The following AP4S1 variants were observed in gnomAD, a reference collection of about 807,000 sequenced individuals.
AP4S1 encodes adaptor related protein complex 4 subunit sigma 1.
A neutral mutation model predicts 19.8 loss-of-function variants in AP4S1; 23 were observed. The observed-to-expected ratio is 1.16, with a 90% CI of 0.84 to 1.65. The LOEUF (loss-of-function observed/expected upper bound fraction) is 1.65. Ranked by LOEUF, AP4S1 falls within the 40% of genes most tolerant of loss-of-function variation. The pLI is 0.00. For missense variants in AP4S1, 166 were observed against 172.8 expected (o/e 0.96, Z 0.22); for synonymous variants, 46 against 54.1 (o/e 0.85, Z 0.66).
At chr14:31,080,171 C>G (rs1455105663) in intron 4 of AP4S1, among the ~76,000 whole-genome samples, 1 of 152,114 alleles carries the variant, frequency 6.6e-6, no homozygotes, top group African/African-American at 2.4e-5. Flanking sequence ...CCCTGAATAT[C>G]CTGTCATATA....
At chr14:31,090,879 T>C (rs1888059476) in intron 5 of AP4S1, among the ~76,000 whole-genome samples, 1 of 152,234 alleles carries the variant, frequency 6.6e-6, no homozygotes, top group African/African-American at 2.4e-5. Context: ...TTTCCCCATA[T>C]AGTGCCAGAA....
intron 3 of AP4S1, among the ~76,000 whole-genome samples, chr14:31,070,742 G>A (rs182016296): frequency 6.6e-6 from 1 of 152,280 alleles, no homozygotes; most frequent in African/African-American, 2.4e-5. Flanking sequence ...TATAGAGGCC[G>A]ACTGATTTTG....
In AP4S1 at chr14:31,093,132, A is replaced by T; in HGVS notation, c.*97A>T. 1 of 1,265,820 alleles carries T rather than the reference A, an allele frequency of 7.9e-7. No homozygotes were observed. Among genetic ancestry groups the T allele is most frequent in the South Asian group, 1.6e-5 (1 of 63,208 alleles). The allele number at this position is 1,265,820 out of a possible 1,614,324, so 78.4% of individuals were successfully genotyped here. A position where few individuals can be genotyped will look rare whatever the true frequency, so the allele number is the denominator to read the frequency against. On this transcript the variant is annotated 3_prime_UTR_variant, in exon 6 of 6. Transcript: ENST00000542754. ...ACCCAGAAGAATCTGGAAGACCACA[A>T]TTACAAAATGGGGTATCCTTCCAAA...
At position 31,095,066 on chromosome 14, in the gene AP4S1, C is replaced by T. The variant is rs1888167072; in HGVS notation, c.*2031C>T. 6.6e-6 allele frequency: 1 copy of T among 152,162 alleles called. No homozygotes were observed. Among genetic ancestry groups the T allele is most frequent in the Non-Finnish European group, 1.5e-5 (1 of 68,060 alleles). 9.4% of individuals were successfully genotyped at this position (152,162 alleles called of 1,614,324 possible). On this transcript the variant is annotated 3_prime_UTR_variant, in exon 6 of 6. Coordinates refer to ENST00000542754, the MANE Select transcript of AP4S1 (RefSeq NM_001128126.3). ...AAAGTTAGCCAGCTGTGGTGGTGAG[C>T]ACCTGTACTCCTAACTACTCAAGAG...
At chr14:31,052,898 C>A (rs917671379) in intron 1 of AP4S1, among the ~76,000 whole-genome samples, 1 of 148,316 alleles carries the variant, frequency 6.7e-6, no homozygotes, top group African/African-American at 2.5e-5. Context: ...TAATTTAATA[C>A]AAGAAAGGAG....
intron 1 of AP4S1, among the ~76,000 whole-genome samples, chr14:31,052,125 G>A (rs1035196134): frequency 5.3e-5 from 8 of 151,952 alleles, no homozygotes; most frequent in African/African-American, 1.7e-4. Flanking sequence ...ACAAAAATTA[G>A]TTAGGTGTGA....
Position 31,066,148 on chromosome 14 carries a change from G to C in AP4S1, c.-49G>C, listed in dbSNP as rs769989667. On this transcript the variant is annotated 5_prime_UTR_variant, in exon 2 of 6. Transcript: ENST00000542754. ...AAGGTTCCAGTTACAGCCATCCCTT[G>C]TCATAACTTTTGAACTGTATTTGGA... is the stretch of plus-strand genomic sequence containing the variant. The C allele has an allele frequency of 6.3e-7, 1 of 1,598,484 alleles. No individual in the cohort carries two copies. The highest frequency in any genetic ancestry group is 8.6e-7 in the Non-Finnish European group (1 of 1,167,664).
At chr14:31,073,415 G>A (rs1475638040) in intron 4 of AP4S1, among the ~76,000 whole-genome samples, 31 of 137,104 alleles carry the variant, frequency 2.3e-4, no homozygotes, top group South Asian at 1.9e-3. Context: ...GCGTGAACCC[G>A]GGAGGCGGAG....
rs1234712369 is a variant in AP4S1, at chr14:31,095,192, TCAAAAACA to T, written c.*2166_*2173del. 3 of 152,180 alleles carry T rather than the reference TCAAAAACA, an allele frequency of 2.0e-5. No homozygotes were observed. The East Asian group carries it at 5.8e-4, about 29-fold the overall frequency. 9.4% of individuals were successfully genotyped at this position (152,180 alleles called of 1,614,324 possible). A position where few individuals can be genotyped will look rare whatever the true frequency, so the allele number is the denominator to read the frequency against. On this transcript the variant is annotated 3_prime_UTR_variant, in exon 6 of 6. Transcript: ENST00000542754. ...CTGGGTAATGGAGTGAGGCCCTGCC[TCAAAAACA>T]CAAAAACAAAACAAAAAAACTTTTA...
chr14:31,073,269 T>C (rs190841134), intron 4 of AP4S1: 1 of 341,290 alleles, frequency 2.9e-6, no homozygotes. Context: ...GGTGGGCAGA[T>C]CACAAGGTCA....
chr14:31,039,571 TG>T (rs1420606041), intron 1 of AP4S1, among the ~76,000 whole-genome samples: 4 of 106,116 alleles, frequency 3.8e-5, no homozygotes, highest in African/African-American at 1.2e-4. Context: ...GGTGTAGTTT[TG>T]TTTTTTTTTT....
At chr14:31,034,896 G>A (rs1346516310) in intron 1 of AP4S1, among the ~76,000 whole-genome samples, 1 of 151,854 alleles carries the variant, frequency 6.6e-6, no homozygotes, top group Non-Finnish European at 1.5e-5. Flanking sequence ...CAAAGTGCTG[G>A]GATTACAGGC....
At chr14:31,060,663 C>T (rs1398133305) in intron 1 of AP4S1, among the ~76,000 whole-genome samples, 2 of 152,216 alleles carry the variant, frequency 1.3e-5, no homozygotes, top group East Asian at 1.9e-4. Context: ...TTCAGCTTGA[C>T]TTAGCTGCTT....
rs551633561 is a variant in AP4S1 at position 31,093,337 on chromosome 14, T to G, written c.*302T>G. 23 of 183,732 alleles carry G rather than the reference T, an allele frequency of 1.3e-4. No individual in the cohort carries two copies. The East Asian group carries it at 1.8e-3, about 15-fold the overall frequency. The allele number at this position is 183,732 out of a possible 1,614,324, so 11.4% of individuals were successfully genotyped here. On this transcript the variant is annotated 3_prime_UTR_variant, in exon 6 of 6. Coordinates refer to ENST00000542754, the MANE Select transcript of AP4S1 (RefSeq NM_001128126.3). ...TAAGGAACCCTTCTTGGTCTATGCTTCTTTTGCAAATTGAATTCAGGAATA... is the reference window on the plus strand; with the variant it reads ...TAAGGAACCCTTCTTGGTCTATGCTGCTTTTGCAAATTGAATTCAGGAATA...
intron 1 of AP4S1, among the ~76,000 whole-genome samples, chr14:31,039,802 G>C (rs900169888): frequency 1.3e-5 from 2 of 150,600 alleles, no homozygotes; most frequent in African/African-American, 4.9e-5. Flanking sequence ...TGTTAGCCAG[G>C]ATGGTCTCGA....
Position 31,066,207 on chromosome 14 carries a change from T to A in AP4S1, c.11T>A (p.Phe4Tyr). The change falls in exon 2 of 6, where the codon TTT becomes TAT. Residue 4 changes from phenylalanine (F) to tyrosine (Y), a missense_variant. Phe to Tyr is a conservative substitution (Grantham distance 22). Transcript: ENST00000542754. MIK[F>Y]FLMVNKQGQT... ...GGCCAGGAAAGAAAAATGATAAAAT[T>A]TTTCCTCATGGTGAATAAACAAGGG... is the stretch of plus-strand genomic sequence containing the variant. 1 of 1,613,938 alleles carries A rather than the reference T, an allele frequency of 6.2e-7. No homozygotes were observed. The highest frequency in any genetic ancestry group is 8.5e-7 in the Non-Finnish European group (1 of 1,179,950).
chr14:31,066,550 C>G lies in AP4S1; in HGVS notation c.138+216C>G, dbSNP rs6571387. Among the ~76,000 whole-genome samples, 136,357 of 152,274 alleles carry G rather than the reference C, an allele frequency of 0.9. 61,192 individuals carry two copies. The highest frequency in any genetic ancestry group is 0.93 in the South Asian group (4,479 of 4,830). The stretch of plus-strand genomic sequence containing the variant: ...CAAGGAAAACCTGGAAGAATCTTGG[C>G]TTCTTATTTAAGTCAGCATATTTGT... On this transcript the variant is annotated intron_variant, in intron 2 of 5. Transcript: ENST00000542754.
intron 1 of AP4S1, among the ~76,000 whole-genome samples, chr14:31,035,934 G>C (rs975669955): frequency 6.6e-6 from 1 of 151,846 alleles, no homozygotes; most frequent in African/African-American, 2.4e-5. Flanking sequence ...GTTTCACCAT[G>C]TTAGCCAGGA....
chr14:31,057,771 A>G (rs1886202979), intron 1 of AP4S1, among the ~76,000 whole-genome samples: 1 of 151,934 alleles, frequency 6.6e-6, no homozygotes, highest in East Asian at 1.9e-4. Context: ...GATTACAGGC[A>G]CCCGACAACA....
Sources: gnomAD v4.1 joint callset for allele counts (sites outside exome capture counted in the v4.1 genomes callset) on GRCh38, gnomAD v4.1.1 for gene constraint, MANE v1.5 for transcripts, NCBI Gene and HGNC (gene_info 2026-07-23, HGNC 2026-07-21) for gene names.